MKX: variants seen among roughly 807,000 people sequenced by gnomAD.
The protein encoded by MKX is mohawk homeobox.
MKX carries 13 observed loss-of-function variants against 36.0 expected under a neutral mutation model. That is an observed-to-expected ratio of 0.36 (90% CI 0.24 to 0.57). The LOEUF is 0.57. Ranked by LOEUF, MKX falls within the 20% of genes least tolerant of loss-of-function variation. The pLI, the probability that MKX is intolerant of heterozygous loss-of-function variation, is 0.79. For synonymous variants in MKX, 176 were observed against 178.3 expected, an observed-to-expected ratio of 0.99 and a Z score of 0.10; for missense variants, 458 against 456.4, an observed-to-expected ratio of 1.00 and a Z score of -0.03.
rs1407864086 is a variant in MKX at position 27,743,391 on chromosome 10, G to C, written c.25C>G (p.Leu9Val). ...TCCTCAAACAGCACCGCACCGCTGA[G>C]CTTGTTGAAGACGATGGTGTTCATG... MNTIVFNK[L>V]SGAVLFEDGG... The change falls in exon 2 of 7, where the codon CTC (leucine) becomes GTC (valine). Residue 9 changes from leucine to valine, a missense_variant. This residue lies in a region of MKX where 149 missense variants were observed against 114.3 expected (regional missense o/e 1.30). Coordinates refer to ENST00000419761, the MANE Select transcript of MKX (RefSeq NM_173576.3). 5 of 1,567,446 alleles carry C rather than the reference G, an allele frequency of 3.2e-6. No individual in the cohort carries two copies. In the East Asian group the frequency reaches 9.7e-5, roughly 31 times the overall value.
rs1188513456 is a variant in MKX at position 27,704,683 on chromosome 10, T to C, written c.839-29129A>G. Reference sequence around the variant, plus strand: ...TGGACATTTTTGTCACACCATATTATACTATACCTCAAACGAAGATATTCC... The same window carrying C: ...TGGACATTTTTGTCACACCATATTACACTATACCTCAAACGAAGATATTCC... On this transcript the variant is annotated intron_variant, in intron 5 of 6. Transcript: ENST00000419761. 2.6e-5 allele frequency among the ~76,000 whole-genome samples: 4 copies of C among 152,182 alleles called. No homozygotes were observed. The East Asian group carries it at 5.8e-4, about 22-fold the overall frequency.
rs1192551782 is a variant in MKX at position 27,734,755 on chromosome 10, C to T, written c.539G>A (p.Gly180Glu). 5.0e-6 allele frequency: 8 copies of T among 1,613,532 alleles called. No homozygotes were observed. In the Admixed American group the frequency reaches 5.0e-5, roughly 10 times the overall value. ...ATGGTGAACTGGGGTATTATAGCCC[C>T]CTTCGTTCATGTGGGTTCTTGGAGG... ...ENPPRTHMNEGGYNTPVHHPV... is the reference protein window; with the variant it reads ...ENPPRTHMNEEGYNTPVHHPV... Residue 180 changes from glycine (G) to glutamate (E), a missense_variant, in exon 5 of 7, where the codon GGG becomes GAG. By Grantham distance (98) the Gly-to-Glu change is moderately conservative. This residue lies in a region of MKX where 297 missense variants were observed against 304.4 expected (regional missense o/e 0.98). Transcript: ENST00000419761.
At chr10:27,731,113 G>A (rs1357576286) in intron 5 of MKX, among the ~76,000 whole-genome samples, 28 of 127,966 alleles carry the variant, frequency 2.2e-4, no homozygotes, top group African/African-American at 7.1e-4. Context: ...CAGCCTGAGC[G>A]ACAGAGCAAG....
intron 5 of MKX, among the ~76,000 whole-genome samples, chr10:27,691,680 G>T (rs1836456574): frequency 6.6e-6 from 1 of 152,164 alleles, no homozygotes; most frequent in South Asian, 2.1e-4. Flanking sequence ...TACCCGATAG[G>T]CAGCTTTTTA....
Position 27,676,460 on chromosome 10 carries a change from C to T in MKX, c.839-906G>A, listed in dbSNP as rs1399669329. On this transcript the variant is annotated intron_variant, in intron 5 of 6. Coordinates refer to ENST00000419761, the MANE Select transcript of MKX (RefSeq NM_173576.3). ...TGCTGTGATCTCGGCTCACTGCAAC[C>T]TCCACCTCCCAGGTTCAAGCAATTC... Among the ~76,000 whole-genome samples, 3 of 151,248 alleles carry T rather than the reference C, an allele frequency of 2.0e-5. No homozygotes were observed. In the East Asian group the frequency reaches 5.9e-4, roughly 30 times the overall value.
chr10:27,734,238 TTTAATATGAAAACTGAAAA>T (rs1176091843), intron 5 of MKX, among the ~76,000 whole-genome samples, 199 bp downstream of exon 5: 1 of 152,108 alleles, frequency 6.6e-6, no homozygotes, highest in Non-Finnish European at 1.5e-5. Flanking sequence ...ACTTCCTGTC[TTTAATATGAAAACTGAAAA>T]TTTCTCAGTA....
chr10:27,700,725 G>T (rs1836635577), intron 5 of MKX, among the ~76,000 whole-genome samples: 9 of 152,098 alleles, frequency 5.9e-5, no homozygotes. Context: ...GATTTTCATT[G>T]CATTTCGTTA....
Position 27,743,480 on chromosome 10 carries a change from C to T in MKX, c.-65G>A, listed in dbSNP as rs1235580406. 7.0e-7 allele frequency: 1 copy of T among 1,438,696 alleles called. No homozygotes were observed. The highest frequency in any genetic ancestry group is 9.1e-7 in the Non-Finnish European group (1 of 1,093,118). The allele number at this position is 1,438,696 out of a possible 1,614,324, so 89.1% of individuals were successfully genotyped here. ...CTCGGGGCTGGGCCGCCGGGAGCTCCGCAGCGGGGCTCGGCTTCTAGGAGA... is the reference window on the plus strand; with the variant it reads ...CTCGGGGCTGGGCCGCCGGGAGCTCTGCAGCGGGGCTCGGCTTCTAGGAGA... On this transcript the variant is annotated 5_prime_UTR_variant, in exon 2 of 7. Transcript: ENST00000419761.
intron 5 of MKX, among the ~76,000 whole-genome samples, chr10:27,684,800 A>T (rs1164810816): frequency 6.6e-6 from 1 of 152,240 alleles, no homozygotes; most frequent in Admixed American, 6.5e-5. Context: ...TTTTCCACAG[A>T]CCGGGGAGCG....
intron 5 of MKX, among the ~76,000 whole-genome samples, chr10:27,726,368 C>G (rs1441790635): frequency 6.6e-6 from 1 of 152,152 alleles, no homozygotes; most frequent in Non-Finnish European, 1.5e-5. Context: ...TCAACCCTGA[C>G]AGTAAAGGTG....
intron 5 of MKX, among the ~76,000 whole-genome samples, chr10:27,701,430 T>C (rs1014869778): frequency 6.8e-6 from 1 of 146,796 alleles, no homozygotes; most frequent in Non-Finnish European, 1.5e-5. Flanking sequence ...ATAGATAATA[T>C]ATATAAAATA....
intron 5 of MKX, among the ~76,000 whole-genome samples, chr10:27,705,939 A>C (rs1836739849): frequency 6.6e-6 from 1 of 152,200 alleles, no homozygotes; most frequent in Non-Finnish European, 1.5e-5. Flanking sequence ...CATTAAGTAC[A>C]TTCACATGGT....
In MKX at chr10:27,742,229, G is replaced by GCAGAGGCAGC. The variant is rs1834914987; in HGVS notation, c.189-735_189-726dup. Among the ~76,000 whole-genome samples, 1 of 152,160 alleles carries GCAGAGGCAGC rather than the reference G, an allele frequency of 6.6e-6. No individual in the cohort carries two copies. Among genetic ancestry groups the GCAGAGGCAGC allele is most frequent in the Non-Finnish European group, 1.5e-5 (1 of 68,022 alleles). On this transcript the variant is annotated intron_variant, in intron 2 of 6. Transcript: ENST00000419761. The surrounding 1 kb of genome is among the most constrained non-coding windows in gnomAD (Gnocchi z 4.2). ...AAAAGCACATTCAAAGGGGGAGGAG[G>GCAGAGGCAGC]CAGAGGCAGCCAGGAGCCTGGAGCG... is the stretch of plus-strand genomic sequence containing the variant.
intron 5 of MKX, among the ~76,000 whole-genome samples, chr10:27,677,087 G>A (rs929030194): frequency 6.6e-6 from 1 of 152,150 alleles, no homozygotes; most frequent in Non-Finnish European, 1.5e-5. Context: ...TCCGAGCAAA[G>A]GAGTGGGGTT....
chr10:27,739,148 C>T (rs970178187), intron 3 of MKX, among the ~76,000 whole-genome samples: 3 of 152,052 alleles, frequency 2.0e-5, no homozygotes, highest in African/African-American at 7.2e-5. Context: ...CCATATCCTG[C>T]AATAATACAA....
At chr10:27,683,427 G>A (rs900461777) in intron 5 of MKX, among the ~76,000 whole-genome samples, 28 of 152,230 alleles carry the variant, frequency 1.8e-4, no homozygotes, top group Non-Finnish European at 3.2e-4. Flanking sequence ...TACACACTAC[G>A]AGATTCGCAC....
At chr10:27,731,024 C>T (rs7904622) in intron 5 of MKX, among the ~76,000 whole-genome samples, 67 of 151,108 alleles carry the variant, frequency 4.4e-4, no homozygotes, top group African/African-American at 1.6e-3. Flanking sequence ...ATCCCAACTA[C>T]TCAGGAGGCT....
chr10:27,711,408 CCTT>C (rs1836848581), intron 5 of MKX, among the ~76,000 whole-genome samples: 1 of 143,406 alleles, frequency 7.0e-6, no homozygotes, highest in East Asian at 2.2e-4. Flanking sequence ...TTCCTTCTTT[CCTT>C]CTTTCTTTCT....
At chr10:27,682,137 G>GT (rs1469558405) in intron 5 of MKX, among the ~76,000 whole-genome samples, 7 of 152,138 alleles carry the variant, frequency 4.6e-5, no homozygotes, top group Admixed American at 4.6e-4. Flanking sequence ...TTGTGGCTTA[G>GT]TTTTTAACAA....
Sources: allele counts gnomAD v4.1 joint callset (sites outside exome capture counted in the v4.1 genomes callset), GRCh38; gene constraint gnomAD v4.1.1; regional missense constraint gnomAD v4.1.1; non-coding constraint Gnocchi (gnomAD v3.1); transcripts MANE v1.5; gene names NCBI Gene and HGNC (gene_info 2026-07-23, HGNC 2026-07-21).